PPP2R1A: variants seen among roughly 807,000 people sequenced by gnomAD.
PPP2R1A encodes protein phosphatase 2 scaffold subunit Aalpha.
Under a neutral mutation model 67.1 loss-of-function variants are expected in PPP2R1A, and 15 were observed. The observed-to-expected ratio is 0.22, with a 90% CI of 0.15 to 0.34. The LOEUF (loss-of-function observed/expected upper bound fraction) is 0.34. Ranked by LOEUF, PPP2R1A falls within the 10% of genes least tolerant of loss-of-function variation. The pLI, the probability that PPP2R1A is intolerant of heterozygous loss-of-function variation, is 1.00. For synonymous variants in PPP2R1A, 337 were observed against 325.0 expected, an observed-to-expected ratio of 1.04 and a Z score of -0.40; for missense variants, 369 against 775.0, an observed-to-expected ratio of 0.48 and a Z score of 6.22.
rs553584852 is a variant in PPP2R1A at position 52,216,779 on chromosome 19, G to C, written c.1128+116G>C. 3.2e-5 allele frequency: 48 copies of C among 1,477,684 alleles called. No homozygotes were observed. The highest frequency in any genetic ancestry group is 2.4e-4 in the African/African-American group (17 of 72,188). The allele number at this position is 1,477,684 out of a possible 1,614,324, so 91.5% of individuals were successfully genotyped here. ...CTGCTGATATCTCAACAGACATCCA[G>C]ATCTTTGCTGAGTTGCATGTTTGTG... On this transcript the variant is annotated intron_variant, in intron 9 of 14. Coordinates refer to ENST00000322088, the MANE Select transcript of PPP2R1A (RefSeq NM_014225.6). This position sits in a 1 kb window ranked among gnomAD's most constrained non-coding sequence, Gnocchi z 4.3.
intron 14 of PPP2R1A, 27 bp from the exon 15 acceptor site, chr19:52,225,938 G>A: frequency 6.2e-7 from 1 of 1,614,230 alleles, no homozygotes; most frequent in Non-Finnish European, 8.5e-7. Flanking sequence ...CTCTGGTTCT[G>A]ATTCTTGCCT....
At chr19:52,190,198 G>T in intron 1 of PPP2R1A, 24 bp downstream of exon 1, 3 of 1,548,716 alleles carry the variant, frequency 1.9e-6, no homozygotes, top group Non-Finnish European at 2.6e-6. Flanking sequence ...GGGGGACTTG[G>T]GGAAGACGCG....
chr19:52,209,083 G>A lies in PPP2R1A; in HGVS notation c.271-2177G>A, dbSNP rs539534573. 2.6e-5 allele frequency among the ~76,000 whole-genome samples: 4 copies of A among 152,250 alleles called. No individual in the cohort carries two copies. The East Asian group carries it at 7.7e-4, about 29-fold the overall frequency. On this transcript the variant is annotated intron_variant, in intron 3 of 14. Coordinates refer to ENST00000322088, the MANE Select transcript of PPP2R1A (RefSeq NM_014225.6). ...TGGTCCATGCTGGGATAGGCCTCCG[G>A]GTGATTCTGCTGCAGGGTGGTCAGG...
chr19:52,211,662 A>G lies in PPP2R1A; in HGVS notation c.503+170A>G, dbSNP rs2089671889. 2.9e-6 allele frequency: 2 copies of G among 678,348 alleles called. No homozygotes were observed. The highest frequency in any genetic ancestry group is 1.9e-5 in the South Asian group (1 of 51,432). 42.0% of individuals were successfully genotyped at this position (678,348 alleles called of 1,614,324 possible). ...CATCCTCGAGAGTTGGTCTCTGGAC[A>G]CGGCCACGTGTCAGTTTACCCACCT... On this transcript the variant is annotated intron_variant, in intron 4 of 14. Transcript: ENST00000322088. The surrounding 1 kb of genome is among the most constrained non-coding windows in gnomAD (Gnocchi z 5.3).
chr19:52,197,838 A>T (rs2089510204), intron 1 of PPP2R1A, among the ~76,000 whole-genome samples: 1 of 152,078 alleles, frequency 6.6e-6, no homozygotes, highest in African/African-American at 2.4e-5. Context: ...AAGACGGGGG[A>T]TTCTGTATTT....
intron 12 of PPP2R1A, 109 bp downstream of exon 12, chr19:52,221,242 C>T: frequency 1.4e-6 from 2 of 1,440,338 alleles, no homozygotes; most frequent in Non-Finnish European, 1.9e-6. Flanking sequence ...GGAATGGAGA[C>T]ATGGAGTGCA....
At chr19:52,198,282 T>C (rs1568586471) in intron 1 of PPP2R1A, among the ~76,000 whole-genome samples, 1 of 152,144 alleles carries the variant, frequency 6.6e-6, no homozygotes, top group Non-Finnish European at 1.5e-5. Context: ...TTCTCAAGCA[T>C]TGATGATGCT....
chr19:52,211,767 A>G lies in PPP2R1A; in HGVS notation c.503+275A>G, dbSNP rs1439624377. 2 of 509,972 alleles carry G rather than the reference A, an allele frequency of 3.9e-6. No homozygotes were observed. Among genetic ancestry groups the G allele is most frequent in the Non-Finnish European group, 6.9e-6 (2 of 287,996 alleles). 31.6% of individuals were successfully genotyped at this position (509,972 alleles called of 1,614,324 possible). A position where few individuals can be genotyped will look rare whatever the true frequency, so the allele number is the denominator to read the frequency against. The stretch of plus-strand genomic sequence containing the variant: ...GTTAATGTGAGGATTTAAAAGAATT[A>G]TCACACATAAAGTGCTTAGAGCAAA... On this transcript the variant is annotated intron_variant, in intron 4 of 14. Transcript: ENST00000322088. This position sits in a 1 kb window ranked among gnomAD's most constrained non-coding sequence, Gnocchi z 5.3.
Position 52,212,634 on chromosome 19 carries a change from T to C in PPP2R1A, c.504-52T>C. ...ACACAACTGCAGAGTCTGTGCTTGC[T>C]CCTCTCTGCCATACTGCCTGCTGCC... On this transcript the variant is annotated intron_variant, in intron 4 of 14. Coordinates refer to ENST00000322088, the MANE Select transcript of PPP2R1A (RefSeq NM_014225.6). The surrounding 1 kb of genome is among the most constrained non-coding windows in gnomAD (Gnocchi z 4.1). 3 of 1,595,410 alleles carry C rather than the reference T, an allele frequency of 1.9e-6. No individual in the cohort carries two copies. The highest frequency in any genetic ancestry group is 1.3e-5 in the African/African-American group (1 of 74,884).
chr19:52,206,122 C>T (rs911747519), intron 3 of PPP2R1A, 59 bp downstream of exon 3: 57 of 1,489,310 alleles, frequency 3.8e-5, no homozygotes, highest in Admixed American at 6.9e-5. Flanking sequence ...ATGGTCCTGC[C>T]GGCCTAGGGC....
intron 3 of PPP2R1A, among the ~76,000 whole-genome samples, chr19:52,210,639 G>A (rs1024662933): frequency 3.9e-4 from 59 of 151,860 alleles, no homozygotes; most frequent in Non-Finnish European, 5.6e-4. Flanking sequence ...TTACAGGTGC[G>A]CACCACCACA....
At chr19:52,191,166 G>A (rs2089451143) in intron 1 of PPP2R1A, 1 of 152,312 alleles carries the variant, frequency 6.6e-6, no homozygotes, top group South Asian at 2.1e-4. Flanking sequence ...CAGCCCGGAT[G>A]AACATTCCTG....
chr19:52,207,516 C>T (rs1379391895), intron 3 of PPP2R1A, among the ~76,000 whole-genome samples: 1 of 152,150 alleles, frequency 6.6e-6, no homozygotes, highest in Non-Finnish European at 1.5e-5. Context: ...CCCAGTCAAG[C>T]CACGCTTCCT....
At chr19:52,193,967 T>G (rs1382123178) in intron 1 of PPP2R1A, among the ~76,000 whole-genome samples, 2 of 148,976 alleles carry the variant, frequency 1.3e-5, no homozygotes, top group East Asian at 3.9e-4. Flanking sequence ...AAAAAAAAAT[T>G]AGCTGGTGTG....
intron 6 of PPP2R1A, among the ~76,000 whole-genome samples, chr19:52,214,370 G>A (rs1424346907): frequency 2.0e-5 from 3 of 152,136 alleles, no homozygotes; most frequent in Admixed American, 2.0e-4. Flanking sequence ...AGGACTCAGA[G>A]CTTCAGAATA....
chr19:52,227,802 C>T lies in PPP2R1A; in HGVS notation c.*1821C>T, dbSNP rs1201245443. ...AGAACTACTGCTCTAGAAATGTGAA[C>T]ACACGTGTAACCAAACGTCAAAGTC... is the stretch of plus-strand genomic sequence containing the variant. On this transcript the variant is annotated 3_prime_UTR_variant, in exon 15 of 15. Transcript: ENST00000322088. 6.6e-6 allele frequency: 1 copy of T among 152,210 alleles called. No homozygotes were observed. Among genetic ancestry groups the T allele is most frequent in the Non-Finnish European group, 1.5e-5 (1 of 68,050 alleles). The allele number at this position is 152,210 out of a possible 1,614,324, so 9.4% of individuals were successfully genotyped here.
intron 3 of PPP2R1A, among the ~76,000 whole-genome samples, chr19:52,209,081 C>T (rs55955399): frequency 0.081 from 12,282 of 152,202 alleles, 542 homozygotes; most frequent in Middle Eastern, 0.12. Flanking sequence ...GATAGGCCTC[C>T]GGGTGATTCT....
Position 52,211,234 on chromosome 19 carries a change from C to T in PPP2R1A, c.271-26C>T. ...CTGCGGATGGTGGAGAGGGAGCTGTCCAGTGACTTTGTGTTCTCACCACAG... is the reference window on the plus strand; with the variant it reads ...CTGCGGATGGTGGAGAGGGAGCTGTTCAGTGACTTTGTGTTCTCACCACAG... On this transcript the variant is annotated intron_variant, in intron 3 of 14. Coordinates refer to ENST00000322088, the MANE Select transcript of PPP2R1A (RefSeq NM_014225.6). This position sits in a 1 kb window ranked among gnomAD's most constrained non-coding sequence, Gnocchi z 5.3. The T allele has an allele frequency of 2.5e-6, 4 of 1,604,438 alleles. No individual in the cohort carries two copies. Among genetic ancestry groups the T allele is most frequent in the Non-Finnish European group, 2.6e-6 (3 of 1,174,930 alleles).
rs148517564 is a variant in PPP2R1A at position 52,205,109 on chromosome 19, G to A, written c.170-854G>A. Among the ~76,000 whole-genome samples the A allele has an allele frequency of 2.4e-3, 369 of 152,298 alleles. 3 individuals carry two copies. The highest frequency in any genetic ancestry group is 8.4e-3 in the African/African-American group (350 of 41,560). On this transcript the variant is annotated intron_variant, in intron 2 of 14. Transcript: ENST00000322088. Reference sequence around the variant, plus strand: ...ACGTGGCCTTGCCAACTGCAAGGGCGTCTGGGAAATGCAGTCGGCTGCTGG... The same window carrying A: ...ACGTGGCCTTGCCAACTGCAAGGGCATCTGGGAAATGCAGTCGGCTGCTGG...
Sources: gnomAD v4.1 joint callset for allele counts (sites outside exome capture counted in the v4.1 genomes callset) on GRCh38, gnomAD v4.1.1 for gene constraint, Gnocchi (gnomAD v3.1) non-coding constraint, MANE v1.5 for transcripts, NCBI Gene and HGNC (gene_info 2026-07-23, HGNC 2026-07-21) for gene names.